TEKT5: variants seen among roughly 807,000 people sequenced by gnomAD.
TEKT5 encodes the protein tektin 5, also known as tektin-5.
In TEKT5, 52 loss-of-function variants were observed where a neutral mutation model predicts 48.7. The ratio of observed to expected loss-of-function variants is 1.07; its 90% CI spans 0.86 to 1.35. TEKT5 has a LOEUF of 1.35. Ranked by LOEUF, TEKT5 falls within the 40% of genes most tolerant of loss-of-function variation. The pLI, the probability that TEKT5 is intolerant of heterozygous loss-of-function variation, is 0.00. For missense variants in TEKT5, 831 were observed against 641.6 expected (o/e 1.30, Z -3.19); for synonymous variants, 318 against 267.6 (o/e 1.19, Z -1.84).
chr16:10,684,409 T>C (rs1293945442), intron 3 of TEKT5, among the ~76,000 whole-genome samples: 1 of 151,720 alleles, frequency 6.6e-6, no homozygotes, highest in Admixed American at 6.6e-5. Context: ...TTTTTTTTTT[T>C]TCCTGCTGTG....
At chr16:10,658,154 C>T (rs1027172571) in intron 5 of TEKT5, among the ~76,000 whole-genome samples, 1 of 152,142 alleles carries the variant, frequency 6.6e-6, no homozygotes, top group Non-Finnish European at 1.5e-5. Context: ...AACTGGACCA[C>T]TTATATGCGG....
chr16:10,661,512 T>C (rs1238260041), intron 5 of TEKT5, among the ~76,000 whole-genome samples: 1 of 152,204 alleles, frequency 6.6e-6, no homozygotes, highest in Admixed American at 6.5e-5. Context: ...TGTAGTTTCA[T>C]GCAGATCTCT....
At chr16:10,676,614 G>A (rs1206080199) in intron 4 of TEKT5, among the ~76,000 whole-genome samples, 2 of 152,146 alleles carry the variant, frequency 1.3e-5, no homozygotes, top group African/African-American at 4.8e-5. Flanking sequence ...AACACAACGT[G>A]GACAAGCCAA....
intron 5 of TEKT5, among the ~76,000 whole-genome samples, chr16:10,660,655 G>A (rs28649769): frequency 3.7e-4 from 52 of 140,572 alleles, no homozygotes; most frequent in African/African-American, 1.2e-3. Flanking sequence ...CAGCAGGAGT[G>A]CAAGGCTGTG....
intron 3 of TEKT5, among the ~76,000 whole-genome samples, chr16:10,683,553 T>C (rs909175107): frequency 2.0e-5 from 3 of 152,242 alleles, no homozygotes; most frequent in Admixed American, 6.5e-5. Flanking sequence ...CAAACTCGAC[T>C]ATTTACTTAT....
chr16:10,648,518 G>A (rs987496899), intron 5 of TEKT5, among the ~76,000 whole-genome samples: 3 of 152,126 alleles, frequency 2.0e-5, no homozygotes, highest in Non-Finnish European at 4.4e-5. Flanking sequence ...TGTTAGTAGA[G>A]ACAGGGTTTT....
chr16:10,681,688 T>C (rs1303326124), intron 4 of TEKT5, among the ~76,000 whole-genome samples: 1 of 151,592 alleles, frequency 6.6e-6, no homozygotes, highest in Non-Finnish European at 1.5e-5. Flanking sequence ...GAAATTTGGA[T>C]CTTGAATGGT....
At chr16:10,660,661 C>CTG (rs4028826) in intron 5 of TEKT5, among the ~76,000 whole-genome samples, 6,695 of 144,242 alleles carry the variant, frequency 0.046, 345 homozygotes, top group African/African-American at 0.13. Context: ...GAGTGCAAGG[C>CTG]TGTGTGTGTG....
chr16:10,651,241 A>G (rs114465164), intron 5 of TEKT5, among the ~76,000 whole-genome samples: 2 of 152,264 alleles, frequency 1.3e-5, no homozygotes, highest in East Asian at 3.9e-4. Context: ...CCTTCAGGCT[A>G]GGGCTAAAAA....
At chr16:10,673,913 A>C (rs2541503) in intron 5 of TEKT5, among the ~76,000 whole-genome samples, 73,961 of 151,618 alleles carry the variant, frequency 0.49, 19,637 homozygotes, top group East Asian at 0.82. Context: ...CTGCCTTCCA[A>C]AGTGCTGGGA....
intron 5 of TEKT5, among the ~76,000 whole-genome samples, chr16:10,658,285 T>G (rs1898298165): frequency 6.6e-6 from 1 of 151,858 alleles, no homozygotes; most frequent in Non-Finnish European, 1.5e-5. Flanking sequence ...TGAGAAAGAG[T>G]CCATATGTCC....
intron 4 of TEKT5, among the ~76,000 whole-genome samples, chr16:10,676,784 T>C (rs1288515241): frequency 1.3e-5 from 2 of 152,204 alleles, no homozygotes; most frequent in African/African-American, 2.4e-5. Context: ...GAGAGAGCCA[T>C]GAACAAGAAC....
intron 2 of TEKT5, among the ~76,000 whole-genome samples, 176 bp from the exon 3 acceptor site, chr16:10,689,499 G>A (rs1366230464): frequency 2.7e-5 from 4 of 148,568 alleles, no homozygotes; most frequent in Non-Finnish European, 3.0e-5. Flanking sequence ...AGGCAGCTAA[G>A]GGTTGATTGT....
intron 5 of TEKT5, among the ~76,000 whole-genome samples, chr16:10,649,701 G>A (rs546383994): frequency 1.3e-5 from 2 of 152,188 alleles, no homozygotes; most frequent in African/African-American, 4.8e-5. Context: ...CTCCTAAAGT[G>A]CCGGGATTAC....
chr16:10,663,645 T>C (rs1898410750), intron 5 of TEKT5, among the ~76,000 whole-genome samples: 2 of 152,160 alleles, frequency 1.3e-5, no homozygotes, highest in South Asian at 4.1e-4. Flanking sequence ...TCTCAACCCT[T>C]GGCACTCTTG....
intron 3 of TEKT5, among the ~76,000 whole-genome samples, chr16:10,687,923 T>A (rs1898892545): frequency 6.6e-6 from 1 of 152,220 alleles, no homozygotes. Flanking sequence ...AACAATCACA[T>A]CAGGGTAACT....
At chr16:10,629,169 TAG>T (rs1349848273) in intron 6 of TEKT5, among the ~76,000 whole-genome samples, 1 of 152,058 alleles carries the variant, frequency 6.6e-6, no homozygotes, top group South Asian at 2.1e-4. Flanking sequence ...ATCACAGAAC[TAG>T]AGAGTGGTGA....
chr16:10,677,217 G>C (rs779451511), intron 4 of TEKT5, among the ~76,000 whole-genome samples: 27 of 95,736 alleles, frequency 2.8e-4, no homozygotes, highest in African/African-American at 5.2e-4. Context: ...GCAGGAGGAT[G>C]AAAGAGACAA....
intron 5 of TEKT5, among the ~76,000 whole-genome samples, chr16:10,672,015 A>G (rs1898556701): frequency 6.6e-6 from 1 of 152,166 alleles, no homozygotes; most frequent in South Asian, 2.1e-4. Flanking sequence ...GGGAGATGGA[A>G]AAGGGGAGGG....
Sources: gnomAD v4.1 joint callset for allele counts (sites outside exome capture counted in the v4.1 genomes callset) on GRCh38, gnomAD v4.1.1 for gene constraint, MANE v1.5 for transcripts, NCBI Gene and HGNC (gene_info 2026-07-23, HGNC 2026-07-21) for gene names.